PDS5A: variants seen among roughly 807,000 people sequenced by gnomAD.
PDS5A encodes the protein PDS5 cohesin associated factor A.
A neutral mutation model predicts 167.1 loss-of-function variants in PDS5A; 42 were observed. The observed-to-expected ratio is 0.25, with a 90% CI of 0.20 to 0.33. The LOEUF (loss-of-function observed/expected upper bound fraction) is 0.33. Ranked by LOEUF, PDS5A falls within the 10% of genes least tolerant of loss-of-function variation. The pLI, the probability that PDS5A is intolerant of heterozygous loss-of-function variation, is 1.00. For synonymous variants in PDS5A, 553 were observed against 554.6 expected, an observed-to-expected ratio of 1.00 and a Z score of 0.04; for missense variants, 1,033 against 1,605.9, an observed-to-expected ratio of 0.64 and a Z score of 6.10.
In PDS5A at chr4:39,899,888, G is replaced by A. The variant is rs368971871; in HGVS notation, c.1581+538C>T. ...AAAAAAAAAAAAAAAAAGTTTGCCC[G>A]CCCCTGTTCCAGCATCCATGTGTCC... On this transcript the variant is annotated intron_variant, in intron 14 of 32. Coordinates refer to ENST00000303538, the MANE Select transcript of PDS5A (RefSeq NM_001100399.2). 1.1e-4 allele frequency among the ~76,000 whole-genome samples: 15 copies of A among 131,818 alleles called. No individual in the cohort carries two copies. In the East Asian group the frequency reaches 2.6e-3, roughly 23 times the overall value. The allele number at this position is 131,818 out of a possible 152,430, so 86.5% of individuals were successfully genotyped here. A position where few individuals can be genotyped will look rare whatever the true frequency, so the allele number is the denominator to read the frequency against.
At chr4:39,943,540 T>C (rs1468508631) in intron 2 of PDS5A, among the ~76,000 whole-genome samples, 2 of 151,274 alleles carry the variant, frequency 1.3e-5, no homozygotes, top group African/African-American at 2.4e-5. Context: ...TCCCAGCACT[T>C]TGGGAGGCCA....
At chr4:39,913,832 CTG>C (rs573223603) in intron 8 of PDS5A, 106 bp from the exon 9 acceptor site, 10 of 697,806 alleles carry the variant, frequency 1.4e-5, no homozygotes, top group Non-Finnish European at 2.6e-5. Flanking sequence ...CTGCTTATAA[CTG>C]TGAGAAGTTT....
At chr4:39,923,636 A>AAAACACACACACAC (rs58654138) in intron 5 of PDS5A, among the ~76,000 whole-genome samples, 28,155 of 89,406 alleles carry the variant, frequency 0.31, 3,213 homozygotes, top group Non-Finnish European at 0.39. Flanking sequence ...ACCCTGTCTC[A>AAAACACACACACAC]AAACACACAC....
intron 7 of PDS5A, among the ~76,000 whole-genome samples, chr4:39,918,970 A>G (rs1724668226): frequency 6.6e-6 from 1 of 152,218 alleles, no homozygotes; most frequent in African/African-American, 2.4e-5. Context: ...ACAAAAAAGC[A>G]CAGAATACTA....
chr4:39,943,794 G>A (rs534245738), intron 2 of PDS5A, among the ~76,000 whole-genome samples: 9 of 151,420 alleles, frequency 5.9e-5, no homozygotes, highest in Middle Eastern at 6.8e-3. Context: ...GCAACAAAGC[G>A]AACCGTATCA....
chr4:39,829,975 A>G (rs1039491845), intron 32 of PDS5A, among the ~76,000 whole-genome samples: 2 of 131,518 alleles, frequency 1.5e-5, no homozygotes, highest in Admixed American at 1.7e-4. Flanking sequence ...AAAAAAAAAA[A>G]AAAAAAAAAG....
intron 16 of PDS5A, among the ~76,000 whole-genome samples, chr4:39,896,779 A>G (rs964690819): frequency 6.7e-5 from 10 of 149,884 alleles, no homozygotes; most frequent in South Asian, 4.2e-4. Flanking sequence ...AAAAAAAAAG[A>G]AAGTTTTAAA....
intron 21 of PDS5A, among the ~76,000 whole-genome samples, chr4:39,872,594 T>C (rs13114978): frequency 6.6e-6 from 1 of 151,902 alleles, no homozygotes; most frequent in Non-Finnish European, 1.5e-5. Flanking sequence ...AAGGTTGCAG[T>C]GAGCCGAGAT....
intron 32 of PDS5A, among the ~76,000 whole-genome samples, chr4:39,836,158 G>A (rs1396496613): frequency 6.6e-6 from 1 of 152,184 alleles, no homozygotes; most frequent in Non-Finnish European, 1.5e-5. Context: ...AACCCTTTAA[G>A]ATACATACTT....
intron 2 of PDS5A, among the ~76,000 whole-genome samples, chr4:39,935,812 CTG>C (rs1726544272): frequency 2.6e-5 from 4 of 152,224 alleles, no homozygotes; most frequent in Admixed American, 2.6e-4. Context: ...CTTCAGATAA[CTG>C]TATGGCAGTT....
At chr4:39,841,332 T>A (rs1421627740) in intron 31 of PDS5A, among the ~76,000 whole-genome samples, 3 of 151,158 alleles carry the variant, frequency 2.0e-5, no homozygotes, top group Non-Finnish European at 2.9e-5. Context: ...AGAGACGGGG[T>A]TTCGCCATGT....
chr4:39,866,265 C>T (rs1246376318), intron 23 of PDS5A, among the ~76,000 whole-genome samples: 1 of 152,194 alleles, frequency 6.6e-6, no homozygotes, highest in Non-Finnish European at 1.5e-5. Context: ...CAGGCATGTG[C>T]CACCATGCCT....
intron 2 of PDS5A, among the ~76,000 whole-genome samples, chr4:39,947,519 T>C (rs1222852112): frequency 1.3e-5 from 2 of 152,158 alleles, no homozygotes; most frequent in African/African-American, 4.8e-5. Context: ...AACAGTAGTG[T>C]CCAATCCTTT....
intron 7 of PDS5A, among the ~76,000 whole-genome samples, chr4:39,919,356 CAT>C (rs1339221772): frequency 6.6e-6 from 1 of 152,060 alleles, no homozygotes; most frequent in African/African-American, 2.4e-5. Flanking sequence ...AAAAATTTTA[CAT>C]AAAATAGCCG....
intron 23 of PDS5A, among the ~76,000 whole-genome samples, chr4:39,865,952 CTATTTTCATCTTAAAATGA>C (rs1408192961): frequency 1.3e-5 from 2 of 152,178 alleles, no homozygotes; most frequent in Non-Finnish European, 2.9e-5. Flanking sequence ...AACTGAGCTT[CTATTTTCATCTTAAAATGA>C]GATGGCAATT....
At chr4:39,888,826 T>C (rs962313274) in intron 17 of PDS5A, among the ~76,000 whole-genome samples, 3 of 151,958 alleles carry the variant, frequency 2.0e-5, no homozygotes, top group East Asian at 1.9e-4. Context: ...GGTTAATTAA[T>C]AGATATAGAA....
At position 39,839,889 on chromosome 4, in the gene PDS5A, T is replaced by C. The variant is rs191023994; in HGVS notation, c.3658-1681A>G. 6.7e-3 allele frequency among the ~76,000 whole-genome samples: 1,008 copies of C among 150,440 alleles called. 8 individuals carry two copies. The highest frequency in any genetic ancestry group is 0.023 in the African/African-American group (928 of 40,820). On this transcript the variant is annotated intron_variant, in intron 31 of 32. Transcript: ENST00000303538. ...GGTGGGCGAATCACGAGGTCAGGAG[T>C]TCAAGACCAGCCTGGCCAACATGGT...
intron 3 of PDS5A, 35 bp downstream of exon 3, chr4:39,927,926 G>T: frequency 6.8e-7 from 1 of 1,466,344 alleles, no homozygotes; most frequent in South Asian, 1.1e-5. Flanking sequence ...AGTGGTGAAT[G>T]AAAAATACAA....
intron 32 of PDS5A, among the ~76,000 whole-genome samples, chr4:39,833,491 T>C (rs1716114075): frequency 6.6e-6 from 1 of 152,018 alleles, no homozygotes; most frequent in South Asian, 2.1e-4. Context: ...CAGGCTCAGG[T>C]GATCCCCTCA....
Sources: allele counts gnomAD v4.1 joint callset (sites outside exome capture counted in the v4.1 genomes callset), GRCh38; gene constraint gnomAD v4.1.1; transcripts MANE v1.5; gene names NCBI Gene and HGNC (gene_info 2026-07-23, HGNC 2026-07-21).